Variants in SMG6 observed in about 807,000 individuals in gnomAD.
SMG6 encodes telomerase-binding protein EST1A.
Under a neutral mutation model 142.2 loss-of-function variants are expected in SMG6, and 66 were observed. That is an observed-to-expected ratio of 0.46 (90% CI 0.38 to 0.57). The LOEUF (loss-of-function observed/expected upper bound fraction) is 0.57. SMG6 is among the 20% of genes least tolerant of loss of function. SMG6 has a pLI of 0.00. For missense variants in SMG6, 1,793 were observed against 1,832.0 expected (o/e 0.98, Z 0.39); for synonymous variants, 779 against 702.4 (o/e 1.11, Z -1.72).
intron 10 of SMG6, among the ~76,000 whole-genome samples, chr17:2,211,002 A>C (rs1434845307): frequency 6.6e-6 from 1 of 151,822 alleles, no homozygotes; most frequent in Non-Finnish European, 1.5e-5. Context: ...CTGCCGGGGT[A>C]CTTGAGAAGG....
intron 10 of SMG6, among the ~76,000 whole-genome samples, chr17:2,223,701 T>G (rs1371624802): frequency 6.6e-6 from 1 of 152,242 alleles, no homozygotes; most frequent in Non-Finnish European, 1.5e-5. Context: ...CCTTTGATCT[T>G]TCTTCCCCAC....
At chr17:2,207,381 G>T (rs529706539) in intron 10 of SMG6, among the ~76,000 whole-genome samples, 1 of 152,102 alleles carries the variant, frequency 6.6e-6, no homozygotes, top group Admixed American at 6.5e-5. Context: ...TAAATAGAGG[G>T]ATACCTGCTA....
rs912517491 is a variant in SMG6, at chr17:2,060,381, G to C, written c.*1111C>G. On this transcript the variant is annotated 3_prime_UTR_variant, in exon 19 of 19. Coordinates refer to ENST00000263073, the MANE Select transcript of SMG6 (RefSeq NM_017575.5). The stretch of plus-strand genomic sequence containing the variant: ...AAAGCTAGAAACCAGGTTAGGCGAC[G>C]GTGCCCCAGCACTGGAATGCCTCAG... 4 of 152,256 alleles carry C rather than the reference G, an allele frequency of 2.6e-5. No homozygotes were observed. The highest frequency in any genetic ancestry group is 4.8e-5 in the African/African-American group (2 of 41,450). The allele number at this position is 152,256 out of a possible 1,614,324, so 9.4% of individuals were successfully genotyped here. A position where few individuals can be genotyped will look rare whatever the true frequency, so the allele number is the denominator to read the frequency against.
At chr17:2,288,297 G>C (rs1438399815) in intron 6 of SMG6, among the ~76,000 whole-genome samples, 1 of 151,154 alleles carries the variant, frequency 6.6e-6, no homozygotes, top group African/African-American at 2.4e-5. Flanking sequence ...CTGGGCCACA[G>C]AGCGAGACTC....
intron 13 of SMG6, among the ~76,000 whole-genome samples, chr17:2,167,031 G>A (rs2071359503): frequency 6.7e-6 from 1 of 149,768 alleles, no homozygotes. Flanking sequence ...GCGGGGGGCT[G>A]AGGCAAGAGA....
intron 10 of SMG6, among the ~76,000 whole-genome samples, chr17:2,214,655 AAAGT>A (rs1186447311): frequency 1.3e-5 from 2 of 152,194 alleles, no homozygotes; most frequent in Non-Finnish European, 2.9e-5. Context: ...CCTTAAACAA[AAAGT>A]AAGGGCAAAA....
chr17:2,291,317 C>T (rs1161028834), intron 6 of SMG6, among the ~76,000 whole-genome samples: 35 of 149,112 alleles, frequency 2.3e-4, no homozygotes, highest in African/African-American at 8.2e-4. Context: ...AGCGACAGAG[C>T]GAGACTCCGT....
intron 15 of SMG6, among the ~76,000 whole-genome samples, chr17:2,074,942 A>G (rs1465482932): frequency 1.3e-5 from 2 of 152,194 alleles, no homozygotes; most frequent in Non-Finnish European, 2.9e-5. Context: ...CTCTGTGGGA[A>G]GCCAGGCCCC....
chr17:2,295,394 C>T (rs1215873255), intron 4 of SMG6, among the ~76,000 whole-genome samples: 1 of 152,162 alleles, frequency 6.6e-6, no homozygotes, highest in African/African-American at 2.4e-5. Flanking sequence ...TCTTAGAACC[C>T]TATGTTCTTT....
chr17:2,096,472 G>T (rs949194494), intron 13 of SMG6, among the ~76,000 whole-genome samples: 1 of 152,168 alleles, frequency 6.6e-6, no homozygotes, highest in Non-Finnish European at 1.5e-5. Context: ...GCCTCCCAAA[G>T]TGCTGGGATT....
chr17:2,276,257 T>C (rs938625415), intron 8 of SMG6, among the ~76,000 whole-genome samples: 1 of 152,144 alleles, frequency 6.6e-6, no homozygotes, highest in African/African-American at 2.4e-5. Flanking sequence ...CTGCATCCAG[T>C]TGAATCAAGC....
Position 2,302,301 on chromosome 17 carries a change from T to C in SMG6, c.88+1332A>G, listed in dbSNP as rs149701637. 9.8e-3 allele frequency among the ~76,000 whole-genome samples: 1,485 copies of C among 151,994 alleles called. 27 individuals are homozygous for C. The highest frequency in any genetic ancestry group is 0.034 in the African/African-American group (1,396 of 41,438). Reference sequence around the variant, plus strand: ...GCTCACGCCTGTAATCCCAGCACTTTGGGAGGCCAAGGCGGGCGGATCACG... The same window carrying C: ...GCTCACGCCTGTAATCCCAGCACTTCGGGAGGCCAAGGCGGGCGGATCACG... On this transcript the variant is annotated intron_variant, in intron 1 of 18. Coordinates refer to ENST00000263073, the MANE Select transcript of SMG6 (RefSeq NM_017575.5).
At chr17:2,146,653 A>G (rs1166395515) in intron 13 of SMG6, among the ~76,000 whole-genome samples, 1 of 151,974 alleles carries the variant, frequency 6.6e-6, no homozygotes, top group African/African-American at 2.4e-5. Context: ...TGATTCTCGA[A>G]CTCTTAAGCT....
intron 6 of SMG6, among the ~76,000 whole-genome samples, chr17:2,291,830 C>G (rs2075043391): frequency 7.8e-6 from 1 of 128,274 alleles, no homozygotes; most frequent in African/African-American, 3.0e-5. Context: ...GCCTGGGTGA[C>G]AGAGCAAGAC....
At chr17:2,224,092 G>A (rs971350696) in intron 10 of SMG6, among the ~76,000 whole-genome samples, 2 of 152,048 alleles carry the variant, frequency 1.3e-5, no homozygotes, top group Admixed American at 6.6e-5. Flanking sequence ...AAAAGCATTC[G>A]TGAGCTAGTA....
At chr17:2,074,100 A>T (rs894721850) in intron 15 of SMG6, among the ~76,000 whole-genome samples, 5 of 152,202 alleles carry the variant, frequency 3.3e-5, no homozygotes, top group East Asian at 3.9e-4. Context: ...AGAGAGAGAG[A>T]GAGTCTAACT....
intron 10 of SMG6, among the ~76,000 whole-genome samples, chr17:2,189,087 G>A (rs1391331442): frequency 6.6e-6 from 1 of 152,114 alleles, no homozygotes; most frequent in African/African-American, 2.4e-5. Flanking sequence ...TACTTTCATG[G>A]AATGAGTTAA....
intron 14 of SMG6, among the ~76,000 whole-genome samples, chr17:2,084,016 A>T (rs984282509): frequency 2.0e-5 from 3 of 152,174 alleles, no homozygotes; most frequent in Non-Finnish European, 4.4e-5. Flanking sequence ...AAAGTGTGGC[A>T]CTACCAAGAT....
At chr17:2,245,284 C>T (rs1429793802) in intron 8 of SMG6, among the ~76,000 whole-genome samples, 1 of 152,152 alleles carries the variant, frequency 6.6e-6, no homozygotes, top group Admixed American at 6.5e-5. Context: ...AAGGGCTAGG[C>T]GTGAAGTATG....
Sources: gnomAD v4.1 joint callset for allele counts (sites outside exome capture counted in the v4.1 genomes callset) on GRCh38, gnomAD v4.1.1 for gene constraint, MANE v1.5 for transcripts, NCBI Gene and HGNC (gene_info 2026-07-23, HGNC 2026-07-21) for gene names.